Variants in OR3A2 observed in about 807,000 individuals in gnomAD.
OR3A2 encodes the protein olfactory receptor family 3 subfamily A member 2.
For missense variants in OR3A2, 318 were observed against 392.8 expected (o/e 0.81, Z 1.61); for synonymous variants, 126 against 159.3 (o/e 0.79, Z 1.57).
At chr17:3,288,616 T>C (rs1047987126), upstream of OR3A2, among the ~76,000 whole-genome samples, 2 of 152,156 alleles carry the variant, frequency 1.3e-5, no homozygotes, top group Admixed American at 1.3e-4. Flanking sequence ...AATACAGTAT[T>C]TCATCTAGTT....
At chr17:3,296,096 G>C (rs549452824) in intron 3 of OR3A2, among the ~76,000 whole-genome samples, 1 of 152,116 alleles carries the variant, frequency 6.6e-6, no homozygotes, top group South Asian at 2.1e-4. Flanking sequence ...TTACTGCCCA[G>C]AAACAGCATA....
chr17:3,370,073 G>T (rs534923300), intron 2 of OR3A2, among the ~76,000 whole-genome samples: 29 of 152,314 alleles, frequency 1.9e-4, no homozygotes, highest in Non-Finnish European at 2.6e-4. Context: ...AAAGTGCTGA[G>T]ATTACAGGTG....
chr17:3,329,961 C>T (rs1203215784), intron 3 of OR3A2, among the ~76,000 whole-genome samples: 5 of 145,190 alleles, frequency 3.4e-5, no homozygotes, highest in African/African-American at 1.4e-4. Context: ...GCCTTCATTT[C>T]GTTATGTATC....
In OR3A2 at chr17:3,316,152, G is replaced by A. The variant is rs146870080; in HGVS notation, c.-85+19881C>T. ...ATCTTTATATGAAATTCCAGTCAAA[G>A]GTGGTGACTAATCTTGGTTGGGATG... On this transcript the variant is annotated intron_variant, in intron 3 of 4. Coordinates refer to the OR3A2 transcript ENST00000573491. Among the ~76,000 whole-genome samples, 7 of 152,262 alleles carry A rather than the reference G, an allele frequency of 4.6e-5. 1 individual carries two copies. The highest frequency in any genetic ancestry group is 7.2e-5 in the African/African-American group (3 of 41,532).
chr17:3,335,276 A>T (rs1362028816), intron 3 of OR3A2, among the ~76,000 whole-genome samples: 1 of 152,104 alleles, frequency 6.6e-6, no homozygotes, highest in African/African-American at 2.4e-5. Context: ...AACTTGGTTA[A>T]CTTTTCCATA....
intron 2 of OR3A2, among the ~76,000 whole-genome samples, chr17:3,356,648 G>C (rs2049467880): frequency 6.6e-6 from 1 of 151,508 alleles, no homozygotes; most frequent in Non-Finnish European, 1.5e-5. Flanking sequence ...AACAATTGTA[G>C]TAATTAGTAG....
At chr17:3,324,276 GT>G (rs2049151754) in intron 3 of OR3A2, among the ~76,000 whole-genome samples, 2 of 151,928 alleles carry the variant, frequency 1.3e-5, no homozygotes, top group South Asian at 4.1e-4. Flanking sequence ...TTTTTTCACA[GT>G]TTTTAACTTC....
Position 3,311,941 on chromosome 17 carries a change from G to A in OR3A2, c.-85+24092C>T, listed in dbSNP as rs1367581502. The A allele has an allele frequency of 6.5e-6, 1 of 154,256 alleles. No individual in the cohort carries two copies. The highest frequency in any genetic ancestry group is 1.4e-5 in the Non-Finnish European group (1 of 69,484). 9.6% of individuals were successfully genotyped at this position (154,256 alleles called of 1,614,324 possible). On this transcript the variant is annotated intron_variant, in intron 3 of 4. Coordinates refer to the OR3A2 transcript ENST00000573491. This position sits in a 1 kb window ranked among gnomAD's most constrained non-coding sequence, Gnocchi z 4.6. ...GAAGAGGCCCCCAGCTTGAGAAGAT[G>A]GGGTTCAAAATGCAACCTCCCTCCT... is the stretch of plus-strand genomic sequence containing the variant.
At chr17:3,347,905 T>A (rs1208404794) in intron 2 of OR3A2, among the ~76,000 whole-genome samples, 2 of 152,208 alleles carry the variant, frequency 1.3e-5, no homozygotes, top group African/African-American at 2.4e-5. Flanking sequence ...CTCCAGCACC[T>A]ATTGCTTCCT....
chr17:3,335,144 G>C (rs2022775323), intron 3 of OR3A2, among the ~76,000 whole-genome samples: 2 of 151,950 alleles, frequency 1.3e-5, no homozygotes, highest in Admixed American at 6.6e-5. Flanking sequence ...TTATGTTCTT[G>C]GCTTATGTAT....
chr17:3,359,755 C>A (rs551529064), intron 2 of OR3A2, among the ~76,000 whole-genome samples: 20 of 151,620 alleles, frequency 1.3e-4, no homozygotes, highest in Middle Eastern at 6.8e-3. Context: ...TGAACTCATC[C>A]TTTTTTATGG....
intron 2 of OR3A2, among the ~76,000 whole-genome samples, chr17:3,343,150 G>A (rs865869713): frequency 5.3e-5 from 8 of 152,070 alleles, no homozygotes; most frequent in African/African-American, 1.2e-4. Flanking sequence ...CGATTTTCCC[G>A]GTACAGTCTG....
At chr17:3,303,660 G>T (rs557653166) in intron 3 of OR3A2, among the ~76,000 whole-genome samples, 5 of 151,596 alleles carry the variant, frequency 3.3e-5, no homozygotes, top group Admixed American at 6.6e-5. Context: ...CAGGAGGATC[G>T]CTTGAACACG....
At chr17:3,333,018 G>A (rs1319169052) in intron 3 of OR3A2, among the ~76,000 whole-genome samples, 2 of 152,122 alleles carry the variant, frequency 1.3e-5, no homozygotes, top group African/African-American at 4.8e-5. Flanking sequence ...TGCAGGATTG[G>A]GCAGAATAGA....
exon 2 of OR3A2, chr17:3,278,191 T>C: frequency 6.2e-7 from 1 of 1,614,172 alleles, no homozygotes; most frequent in Non-Finnish European, 8.5e-7. Flanking sequence ...GAGCCACACG[T>C]GGAGAAGGCC....
intron 2 of OR3A2, among the ~76,000 whole-genome samples, chr17:3,378,218 A>G (rs962299335): frequency 2.0e-5 from 3 of 152,210 alleles, no homozygotes; most frequent in Non-Finnish European, 4.4e-5. Context: ...AGGCATCTGT[A>G]GGCCCATGCC....
In OR3A2 at chr17:3,345,839, C is replaced by T. The variant is rs546180936; in HGVS notation, c.-178-9713G>A. Among the ~76,000 whole-genome samples the T allele has an allele frequency of 3.9e-5, 6 of 152,216 alleles. No homozygotes were observed. The East Asian group carries it at 9.6e-4, about 24-fold the overall frequency. ...TTCCAAAAATTGAATAAAGTACCCACATTCAAAACAAAATGGATTAAAACT... is the reference window on the plus strand; with the variant it reads ...TTCCAAAAATTGAATAAAGTACCCATATTCAAAACAAAATGGATTAAAACT... On this transcript the variant is annotated intron_variant, in intron 2 of 4. Coordinates refer to the OR3A2 transcript ENST00000573491.
intron 3 of OR3A2, among the ~76,000 whole-genome samples, chr17:3,316,102 C>T (rs753967784): frequency 6.6e-6 from 1 of 152,260 alleles, no homozygotes; most frequent in Non-Finnish European, 1.5e-5. Context: ...CCCCCAGCAC[C>T]CACTTCCCTA....
chr17:3,322,913 T>A (rs1555527148), intron 3 of OR3A2, among the ~76,000 whole-genome samples: 1 of 152,144 alleles, frequency 6.6e-6, no homozygotes, highest in Non-Finnish European at 1.5e-5. Flanking sequence ...CTGAGTTCAA[T>A]TCCTGGACAT....
Sources: allele counts gnomAD v4.1 joint callset (sites outside exome capture counted in the v4.1 genomes callset), GRCh38; gene constraint gnomAD v4.1.1; non-coding constraint Gnocchi (gnomAD v3.1); transcripts MANE v1.5; gene names NCBI Gene and HGNC (gene_info 2026-07-23, HGNC 2026-07-21).